THSD7B: variants seen among roughly 807,000 people sequenced by gnomAD.
The protein encoded by THSD7B is thrombospondin type-1 domain-containing protein 7B.
Under a neutral mutation model 213.6 loss-of-function variants are expected in THSD7B, and 138 were observed. That is an observed-to-expected ratio of 0.65 (90% confidence interval 0.56 to 0.74). The LOEUF (loss-of-function observed/expected upper bound fraction) is 0.74, where lower values mean the gene tolerates loss of function less well. Among genes scored for constraint, THSD7B ranks in the 30% least tolerant of loss-of-function variants. The pLI, the probability that THSD7B is intolerant of heterozygous loss-of-function variation, is 0.00. For missense variants in THSD7B, 1,931 were observed against 1,991.5 expected (o/e 0.97, Z 0.58); for synonymous variants, 742 against 687.0 (o/e 1.08, Z -1.25).
chr2:137,434,873 AT>A (rs1378528106), intron 14 of THSD7B, among the ~76,000 whole-genome samples: 1 of 152,164 alleles, frequency 6.6e-6, no homozygotes, highest in Non-Finnish European at 1.5e-5. Flanking sequence ...AAAGCCTATA[AT>A]TATGTCAGCT....
intron 14 of THSD7B, among the ~76,000 whole-genome samples, chr2:137,422,775 C>A (rs1367496441): frequency 1.3e-5 from 2 of 151,882 alleles, no homozygotes; most frequent in African/African-American, 4.8e-5. Flanking sequence ...AATTTCAGGA[C>A]CTCAACCAGT....
At chr2:137,489,395 G>T (rs955461940) in intron 15 of THSD7B, among the ~76,000 whole-genome samples, 5 of 150,568 alleles carry the variant, frequency 3.3e-5, no homozygotes, top group African/African-American at 1.2e-4. Flanking sequence ...TGGCACTCCA[G>T]CCTGGTGAGA....
intron 27 of THSD7B, among the ~76,000 whole-genome samples, chr2:137,675,226 C>T (rs573807900): frequency 7.9e-5 from 12 of 151,806 alleles, no homozygotes; most frequent in African/African-American, 1.2e-4. Flanking sequence ...CCTTTTGGCA[C>T]GATGAAAATG....
At chr2:136,894,378 C>G (rs963374861) in intron 2 of THSD7B, among the ~76,000 whole-genome samples, 58 of 152,284 alleles carry the variant, frequency 3.8e-4, no homozygotes, top group African/African-American at 1.4e-3. Context: ...ACATACAAGG[C>G]AGGTTGGTGG....
chr2:137,286,510 G>A (rs531696622), intron 12 of THSD7B, among the ~76,000 whole-genome samples: 2 of 152,092 alleles, frequency 1.3e-5, no homozygotes, highest in East Asian at 1.9e-4. Flanking sequence ...TTCATTCTCC[G>A]AATGGAAGAC....
chr2:136,944,712 C>CTT (rs146788302), intron 2 of THSD7B, among the ~76,000 whole-genome samples: 81 of 127,792 alleles, frequency 6.3e-4, no homozygotes, highest in Middle Eastern at 4.0e-3. Context: ...GCAACCCCTG[C>CTT]TTTTTTTTTT....
intron 2 of THSD7B, among the ~76,000 whole-genome samples, chr2:136,932,882 T>C (rs1389102297): frequency 6.6e-6 from 1 of 152,096 alleles, no homozygotes; most frequent in African/African-American, 2.4e-5. Context: ...AGGGGCTCAA[T>C]AGCTTCCCTT....
intron 1 of THSD7B, among the ~76,000 whole-genome samples, chr2:136,877,274 A>C (rs555051800): frequency 1.3e-5 from 2 of 152,316 alleles, no homozygotes; most frequent in East Asian, 3.9e-4. Flanking sequence ...TTTAGTAGCC[A>C]TTTTGCCTAA....
At chr2:137,591,645 C>A (rs1681867330) in intron 17 of THSD7B, among the ~76,000 whole-genome samples, 1 of 151,898 alleles carries the variant, frequency 6.6e-6, no homozygotes, top group East Asian at 1.9e-4. Context: ...TCCTATTTGT[C>A]ATAAACCAAT....
At chr2:137,176,544 C>T (rs979656199) in intron 7 of THSD7B, among the ~76,000 whole-genome samples, 5 of 152,114 alleles carry the variant, frequency 3.3e-5, no homozygotes, top group African/African-American at 7.2e-5. Flanking sequence ...AGAGAAATGG[C>T]CCTTTGGAAT....
chr2:136,867,352 T>G (rs1365950245), intron 1 of THSD7B, among the ~76,000 whole-genome samples: 1 of 152,208 alleles, frequency 6.6e-6, no homozygotes, highest in Non-Finnish European at 1.5e-5. Context: ...TGGGTTTCCA[T>G]GCAGTGTGGA....
At chr2:136,836,430 T>C (rs1417875194) in intron 1 of THSD7B, among the ~76,000 whole-genome samples, 1 of 152,236 alleles carries the variant, frequency 6.6e-6, no homozygotes, top group African/African-American at 2.4e-5. Flanking sequence ...TGTCTAGTCC[T>C]GTGGCTAGCA....
chr2:137,593,877 T>G (rs138818032), intron 17 of THSD7B, among the ~76,000 whole-genome samples: 24 of 152,128 alleles, frequency 1.6e-4, no homozygotes, highest in Middle Eastern at 6.8e-3. Flanking sequence ...TTTTCATCTT[T>G]TCTTCTAAAA....
chr2:137,594,303 T>G (rs1681917629), intron 17 of THSD7B, among the ~76,000 whole-genome samples: 1 of 151,854 alleles, frequency 6.6e-6, no homozygotes, highest in Admixed American at 6.6e-5. Context: ...CTCCTTAGAG[T>G]TTTAGAAAGG....
intron 1 of THSD7B, among the ~76,000 whole-genome samples, chr2:136,802,042 G>A (rs1682191477): frequency 6.6e-6 from 1 of 152,050 alleles, no homozygotes; most frequent in Non-Finnish European, 1.5e-5. Context: ...GTTAATAATT[G>A]TTTAATAAGC....
chr2:137,649,265 T>C (rs1279031815), intron 21 of THSD7B, among the ~76,000 whole-genome samples: 1 of 152,194 alleles, frequency 6.6e-6, no homozygotes, highest in Non-Finnish European at 1.5e-5. Context: ...AGAAGCTTTT[T>C]AGCCTGTTGT....
At chr2:137,440,636 G>A (rs973486209) in intron 14 of THSD7B, among the ~76,000 whole-genome samples, 3 of 152,002 alleles carry the variant, frequency 2.0e-5, no homozygotes, top group African/African-American at 7.2e-5. Flanking sequence ...GGTGTTACCA[G>A]ATCATCTGCA....
intron 1 of THSD7B, among the ~76,000 whole-genome samples, chr2:136,789,854 G>A (rs979397236): frequency 6.6e-6 from 1 of 152,116 alleles, no homozygotes; most frequent in Non-Finnish European, 1.5e-5. Flanking sequence ...TTGTGGAGGG[G>A]CTAGTTTAGA....
chr2:137,298,692 A>G (rs1683525395), intron 12 of THSD7B, among the ~76,000 whole-genome samples: 1 of 152,188 alleles, frequency 6.6e-6, no homozygotes. Context: ...AAAGGAGCCA[A>G]TGTACAGCTC....
Sources: allele counts gnomAD v4.1 joint callset (sites outside exome capture counted in the v4.1 genomes callset), GRCh38; gene constraint gnomAD v4.1.1; transcripts MANE v1.5; gene names NCBI Gene and HGNC (gene_info 2026-07-23, HGNC 2026-07-21).